The following FA2H variants were observed in gnomAD, a reference collection of about 807,000 sequenced individuals.
FA2H encodes the protein fatty acid 2-hydroxylase.
In FA2H, 22 loss-of-function variants were observed where a neutral mutation model predicts 44.9. The observed-to-expected ratio is 0.49, with a 90% CI of 0.35 to 0.70. FA2H has a LOEUF of 0.70. FA2H is among the 30% of genes least tolerant of loss of function. The pLI, the probability that FA2H is intolerant of heterozygous loss-of-function variation, is 0.01. For missense variants in FA2H, 501 were observed against 504.9 expected, an observed-to-expected ratio of 0.99 and a Z score of 0.07; for synonymous variants, 243 against 213.2, an observed-to-expected ratio of 1.14 and a Z score of -1.22.
At chr16:74,732,894 G>A (rs1962102120) in intron 2 of FA2H, among the ~76,000 whole-genome samples, 1 of 152,234 alleles carries the variant, frequency 6.6e-6, no homozygotes. Context: ...CTAGACCGTG[G>A]AAGATGTGTT....
chr16:74,772,487 T>C (rs1597576535), intron 1 of FA2H, among the ~76,000 whole-genome samples: 1 of 152,192 alleles, frequency 6.6e-6, no homozygotes, highest in African/African-American at 2.4e-5. Context: ...TTCATTGATA[T>C]CTCCCCACAC....
chr16:74,753,547 G>A (rs571728323), intron 1 of FA2H, among the ~76,000 whole-genome samples: 7 of 152,278 alleles, frequency 4.6e-5, no homozygotes, highest in Admixed American at 6.5e-5. Context: ...GCACGCACCT[G>A]TAATAATTCC....
At chr16:74,723,285 T>C (rs1961879129) in intron 4 of FA2H, among the ~76,000 whole-genome samples, 4 of 152,070 alleles carry the variant, frequency 2.6e-5, no homozygotes, top group Admixed American at 1.3e-4. Context: ...ACACTTGGCT[T>C]TTCTCCTCTT....
chr16:74,715,084 C>A (rs1260742355), intron 6 of FA2H, among the ~76,000 whole-genome samples: 1 of 151,868 alleles, frequency 6.6e-6, no homozygotes, highest in African/African-American at 2.4e-5. Flanking sequence ...GTGATCTGCC[C>A]GTCTCGGCCT....
chr16:74,754,759 C>A (rs993639876), intron 1 of FA2H, among the ~76,000 whole-genome samples: 1 of 152,060 alleles, frequency 6.6e-6, no homozygotes, highest in Non-Finnish European at 1.5e-5. Flanking sequence ...AACTTCTGGG[C>A]TCAAGTGACC....
At chr16:74,724,252 G>T (rs755023233) in intron 4 of FA2H, among the ~76,000 whole-genome samples, 1 of 152,146 alleles carries the variant, frequency 6.6e-6, no homozygotes, top group African/African-American at 2.4e-5. Context: ...AGCACTCTCC[G>T]GCGCAGACTA....
intron 1 of FA2H, among the ~76,000 whole-genome samples, chr16:74,763,930 A>G (rs1159881215): frequency 6.6e-6 from 1 of 152,230 alleles, no homozygotes; most frequent in Non-Finnish European, 1.5e-5. Context: ...CTTGCCTGGT[A>G]TTGCTGTTTA....
At position 74,774,529 on chromosome 16, in the gene FA2H, C is replaced by A. The variant is rs1225330805; in HGVS notation, c.227G>T (p.Trp76Leu). 6 of 1,545,346 alleles carry A rather than the reference C, an allele frequency of 3.9e-6. No individual in the cohort carries two copies. The highest frequency in any genetic ancestry group is 4.3e-6 in the Non-Finnish European group (5 of 1,155,408). ...PHRHSANARR[W>L]LEQYYVGELR... ...CTCTCCCACGTAGTACTGCTCCAGC[C>A]AGCGGCGCGCGTTGGCCGAGTGCCT... is the stretch of plus-strand genomic sequence containing the variant. The change falls in exon 1 of 7, where the codon TGG becomes TTG. Residue 76 changes from tryptophan to leucine, a missense_variant. Trp to Leu is a moderately conservative substitution (Grantham distance 61). Transcript: ENST00000219368.
chr16:74,764,187 A>G (rs1187897456), intron 1 of FA2H, among the ~76,000 whole-genome samples: 1 of 152,168 alleles, frequency 6.6e-6, no homozygotes, highest in East Asian at 1.9e-4. Flanking sequence ...CCACCTTACA[A>G]TACCATGTCA....
intron 2 of FA2H, among the ~76,000 whole-genome samples, chr16:74,731,265 G>A (rs866753167): frequency 7.6e-4 from 112 of 148,276 alleles, no homozygotes; most frequent in Non-Finnish European, 9.6e-4. Flanking sequence ...CTCCTGAGTA[G>A]CTGGGATTAT....
At chr16:74,727,144 G>A in intron 3 of FA2H, 100 bp downstream of exon 3, 1 of 1,483,762 alleles carries the variant, frequency 6.7e-7, no homozygotes, top group Non-Finnish European at 9.3e-7. Context: ...GCATAGACCT[G>A]GGCTCTGGGG....
At chr16:74,746,369 A>AT (rs1365339556) in intron 1 of FA2H, among the ~76,000 whole-genome samples, 3 of 98,202 alleles carry the variant, frequency 3.1e-5, no homozygotes, top group Non-Finnish European at 4.6e-5. Context: ...AATTATTATT[A>AT]TTATTATTAT....
chr16:74,743,650 G>A (rs72792761), intron 1 of FA2H, among the ~76,000 whole-genome samples: 3,965 of 152,240 alleles, frequency 0.026, 73 homozygotes, highest in Non-Finnish European at 0.036. Flanking sequence ...GAAGGGGGTC[G>A]GCATGGCCTC....
chr16:74,719,758 G>A (rs1221356801), intron 4 of FA2H, among the ~76,000 whole-genome samples: 1 of 151,896 alleles, frequency 6.6e-6, no homozygotes, highest in East Asian at 1.9e-4. Flanking sequence ...ATCTTGCTAT[G>A]TTGCCCAGGC....
intron 4 of FA2H, among the ~76,000 whole-genome samples, chr16:74,723,870 G>A (rs1439647463): frequency 6.6e-6 from 1 of 151,852 alleles, no homozygotes; most frequent in African/African-American, 2.4e-5. Context: ...TATATGATGA[G>A]TATATACATT....
intron 1 of FA2H, among the ~76,000 whole-genome samples, chr16:74,761,842 G>C (rs1317176309): frequency 6.6e-6 from 1 of 152,202 alleles, no homozygotes; most frequent in Non-Finnish European, 1.5e-5. Context: ...AGAACTGTTT[G>C]ACTCACAACT....
At chr16:74,716,651 T>C (rs1173240346) in intron 5 of FA2H, 52 bp from the exon 6 acceptor site, 1 of 1,513,122 alleles carries the variant, frequency 6.6e-7, no homozygotes, top group Admixed American at 2.0e-5. Flanking sequence ...CCCCGGCAGC[T>C]GGCCAAACCC....
chr16:74,741,947 T>C (rs1414462518), intron 1 of FA2H, among the ~76,000 whole-genome samples: 5 of 150,810 alleles, frequency 3.3e-5, no homozygotes, highest in African/African-American at 1.2e-4. Flanking sequence ...TGGAAATGCC[T>C]TAAATATCCA....
At chr16:74,770,282 G>A (rs1448274671) in intron 1 of FA2H, among the ~76,000 whole-genome samples, 2 of 152,222 alleles carry the variant, frequency 1.3e-5, no homozygotes, top group Non-Finnish European at 2.9e-5. Context: ...GGCTTAGCTA[G>A]GGAGAAGAAC....
Sources: allele counts gnomAD v4.1 joint callset (sites outside exome capture counted in the v4.1 genomes callset), GRCh38; gene constraint gnomAD v4.1.1; transcripts MANE v1.5; gene names NCBI Gene and HGNC (gene_info 2026-07-23, HGNC 2026-07-21).